ADAMTS10: variants seen among roughly 807,000 people sequenced by gnomAD.
ADAMTS10 encodes A disintegrin and metalloproteinase with thrombospondin motifs 10.
In ADAMTS10, 48 loss-of-function variants were observed where a neutral mutation model predicts 135.9. The ratio of observed to expected loss-of-function variants is 0.35; its 90% CI spans 0.28 to 0.45. The LOEUF (loss-of-function observed/expected upper bound fraction) is 0.45, where lower values mean the gene tolerates loss of function less well. Among genes scored for constraint, ADAMTS10 ranks in the 20% least tolerant of loss-of-function variants. The pLI is 1.00. For synonymous variants in ADAMTS10, 621 were observed against 647.5 expected (o/e 0.96, Z 0.62); for missense variants, 1,131 against 1,565.2 (o/e 0.72, Z 4.68).
rs782190968 is a variant in ADAMTS10, at chr19:8,591,939, G to C, written c.1733+19C>G. ...CAGGGGTCGCGCTGCCCTCCCGGGT[G>C]GGGGTCCTGAGGGCTGACCTGGGGC... is the stretch of plus-strand genomic sequence containing the variant. On this transcript the variant is annotated intron_variant, in intron 14 of 25. Transcript: ENST00000597188. 1.9e-6 allele frequency: 3 copies of C among 1,611,986 alleles called. No homozygotes were observed. The highest frequency in any genetic ancestry group is 2.5e-6 in the Non-Finnish European group (3 of 1,179,592).
In ADAMTS10 at chr19:8,605,834, G is replaced by C. The variant is rs939058111; in HGVS notation, c.-99-25C>G. 5 of 1,493,972 alleles carry C rather than the reference G, an allele frequency of 3.3e-6. No individual in the cohort carries two copies. Among genetic ancestry groups the C allele is most frequent in the Non-Finnish European group, 3.6e-6 (4 of 1,125,022 alleles). 92.5% of individuals were successfully genotyped at this position (1,493,972 alleles called of 1,614,324 possible). A position where few individuals can be genotyped will look rare whatever the true frequency, so the allele number is the denominator to read the frequency against. ...CCTGGGAGGGGGGAGCCAGGTAAGG[G>C]GGCGCCTGGTCCCGCTGTCCAGCAC... On this transcript the variant is annotated intron_variant, in intron 2 of 25. Transcript: ENST00000597188. The surrounding 1 kb of genome is among the most constrained non-coding windows in gnomAD (Gnocchi z 7.7).
At chr19:8,583,680 C>G (rs1293190732) in intron 25 of ADAMTS10, among the ~76,000 whole-genome samples, 2 of 151,798 alleles carry the variant, frequency 1.3e-5, no homozygotes, top group South Asian at 2.1e-4. Context: ...AACCCCGTCT[C>G]TATCAAAGAA....
At chr19:8,593,638 G>A (rs1199387453) in intron 12 of ADAMTS10, 1 of 152,214 alleles carries the variant, frequency 6.6e-6, no homozygotes, top group African/African-American at 2.4e-5. Context: ...TTAAAGTCCA[G>A]GTTAATATCC....
At position 8,585,275 on chromosome 19, in the gene ADAMTS10, G is replaced by T; in HGVS notation, c.2899C>A (p.Arg967Ser). Residue 967 changes from arginine to serine, a missense_variant, in exon 24 of 26, where the codon CGC becomes AGC. By Grantham distance (110) the Arg-to-Ser change is moderately radical (BLOSUM62 -1). Coordinates refer to ENST00000597188, the MANE Select transcript of ADAMTS10 (RefSeq NM_030957.4). Reference sequence around the variant, plus strand: ...TCTGCGCTCTTGCAAAGGACCACGCGGTGGCGGAGGCCCGGCCCGCAGCTG... The same window carrying T: ...TCTGCGCTCTTGCAAAGGACCACGCTGTGGCGGAGGCCCGGCCCGCAGCTG... ...TPSCGPGLRHRVVLCKSADHR... is the reference protein window; with the variant it reads ...TPSCGPGLRHSVVLCKSADHR... The T allele has an allele frequency of 6.6e-7, 1 of 1,512,908 alleles. No homozygotes were observed. 93.7% of individuals were successfully genotyped at this position (1,512,908 alleles called of 1,614,324 possible). A position where few individuals can be genotyped will look rare whatever the true frequency, so the allele number is the denominator to read the frequency against.
In ADAMTS10 at chr19:8,587,659, A is replaced by G. The variant is rs113308554; in HGVS notation, c.2159-763T>C. 1.5e-3 allele frequency among the ~76,000 whole-genome samples: 225 copies of G among 152,052 alleles called. 2 individuals carry two copies. Among genetic ancestry groups the G allele is most frequent in the African/African-American group, 5.0e-3 (207 of 41,518 alleles). On this transcript the variant is annotated intron_variant, in intron 18 of 25. Coordinates refer to ENST00000597188, the MANE Select transcript of ADAMTS10 (RefSeq NM_030957.4). ...AATTAAAAGAATTTTGTAGCCGGGCACAGTGGTCACGCCTATAATCCCAGC... is the reference window on the plus strand; with the variant it reads ...AATTAAAAGAATTTTGTAGCCGGGCGCAGTGGTCACGCCTATAATCCCAGC...
At chr19:8,608,507 T>C (rs2042746089) in intron 1 of ADAMTS10, among the ~76,000 whole-genome samples, 1 of 152,110 alleles carries the variant, frequency 6.6e-6, no homozygotes. Context: ...AGGCCCTTCC[T>C]GGTTGGGCAC....
chr19:8,590,862 C>T (rs1174096342), intron 15 of ADAMTS10, among the ~76,000 whole-genome samples: 1 of 152,160 alleles, frequency 6.6e-6, no homozygotes, highest in Non-Finnish European at 1.5e-5. Context: ...TCCCAAAGTG[C>T]TGGGATTATA....
chr19:8,580,851 G>T lies in ADAMTS10; in HGVS notation c.*42C>A, dbSNP rs781930332. ...TGGCCGGCCCGCTGCAGGGCTGGCG[G>T]CGGAGACCCCGCCAGCTGTGGCTCC... On this transcript the variant is annotated 3_prime_UTR_variant, in exon 26 of 26. Transcript: ENST00000597188. 10 of 1,506,792 alleles carry T rather than the reference G, an allele frequency of 6.6e-6. No individual in the cohort carries two copies. Among genetic ancestry groups the T allele is most frequent in the African/African-American group, 1.4e-5 (1 of 72,168 alleles). 93.3% of individuals were successfully genotyped at this position (1,506,792 alleles called of 1,614,324 possible). A position where few individuals can be genotyped will look rare whatever the true frequency, so the allele number is the denominator to read the frequency against.
At chr19:8,589,736 G>A (rs943421016) in intron 16 of ADAMTS10, 151 bp from the exon 17 acceptor site, 1 of 1,428,604 alleles carries the variant, frequency 7.0e-7, no homozygotes. Flanking sequence ...GCGTCACGTT[G>A]AACCCCCATG....
rs561588205 is a variant in ADAMTS10 at position 8,609,614 on chromosome 19, G to A, written c.-215+1030C>T. Among the ~76,000 whole-genome samples the A allele has an allele frequency of 1.1e-4, 17 of 152,146 alleles. No individual in the cohort carries two copies. In the East Asian group the frequency reaches 2.5e-3, roughly 23 times the overall value. On this transcript the variant is annotated intron_variant, in intron 1 of 25. Coordinates refer to ENST00000597188, the MANE Select transcript of ADAMTS10 (RefSeq NM_030957.4). ...CCGGAGAGCAGACAAAGGCCCAGCC[G>A]GGGCCTGCGGGAGGAGGGGGCCGGC...
intron 4 of ADAMTS10, among the ~76,000 whole-genome samples, chr19:8,604,689 T>A (rs1479049670): frequency 6.6e-6 from 1 of 151,884 alleles, no homozygotes; most frequent in African/African-American, 2.4e-5. Flanking sequence ...TTTCACCATG[T>A]TGGCCAGGCT....
chr19:8,603,415 C>T (rs1470183655), intron 5 of ADAMTS10, among the ~76,000 whole-genome samples: 2 of 152,088 alleles, frequency 1.3e-5, no homozygotes, highest in Admixed American at 1.3e-4. Flanking sequence ...GCTGGGATGA[C>T]AGGCATGCGC....
Position 8,605,430 on chromosome 19 carries a change from G to T in ADAMTS10, c.89-72C>A. ...ACCCCTGTGTCCTGGCTGTTAGGCT[G>T]CTGGAGCAAGTGATGCTGGCCTCAC... is the stretch of plus-strand genomic sequence containing the variant. On this transcript the variant is annotated intron_variant, in intron 3 of 25. Transcript: ENST00000597188. The surrounding 1 kb of genome is among the most constrained non-coding windows in gnomAD (Gnocchi z 7.7). The T allele has an allele frequency of 1.3e-6, 2 of 1,503,502 alleles. No homozygotes were observed. Among genetic ancestry groups the T allele is most frequent in the Non-Finnish European group, 1.8e-6 (2 of 1,106,612 alleles). 93.1% of individuals were successfully genotyped at this position (1,503,502 alleles called of 1,614,324 possible). A position where few individuals can be genotyped will look rare whatever the true frequency, so the allele number is the denominator to read the frequency against.
rs1555740514 is a variant in ADAMTS10 at position 8,597,295 on chromosome 19, G to A, written c.833C>T (p.Ser278Leu). 9.9e-6 allele frequency: 16 copies of A among 1,613,990 alleles called. No individual in the cohort carries two copies. Among genetic ancestry groups the A allele is most frequent in the East Asian group, 2.2e-5 (1 of 44,874 alleles). The change falls in exon 7 of 26, where the codon TCG becomes TTG. Residue 278 changes from serine (S) to leucine (L), a missense_variant. Transcript: ENST00000597188. ...MNIVAKLFQDSSLGSTVNILV... is the reference protein window; with the variant it reads ...MNIVAKLFQDLSLGSTVNILV... The stretch of plus-strand genomic sequence containing the variant: ...GATGTTAACGGTGCTTCCCAGACTC[G>A]AGTCCTGGAAAAGTTTGGCAACCTG...
Position 8,586,544 on chromosome 19 carries a change from A to G in ADAMTS10, c.2403+14T>C. On this transcript the variant is annotated intron_variant, in intron 20 of 25. Transcript: ENST00000597188. ...ATTCCAAAGGCTGCACCTTGCCCCC[A>G]GTCTCCCTGTTACCATGACGATGAG... 1.2e-6 allele frequency: 2 copies of G among 1,613,398 alleles called. No individual in the cohort carries two copies. The highest frequency in any genetic ancestry group is 1.7e-6 in the Non-Finnish European group (2 of 1,180,006).
intron 22 of ADAMTS10, 66 bp downstream of exon 22, chr19:8,586,056 T>A: frequency 6.2e-7 from 1 of 1,610,120 alleles, no homozygotes; most frequent in East Asian, 2.2e-5. Flanking sequence ...CCTGGAGCAC[T>A]CGCTCTTGAC....
chr19:8,582,567 G>A (rs1361738875), intron 25 of ADAMTS10: 1 of 152,224 alleles, frequency 6.6e-6, no homozygotes, highest in Non-Finnish European at 1.5e-5. Flanking sequence ...ACTATTTTGT[G>A]TGATCATGAT....
At chr19:8,600,726 C>T (rs550047545) in intron 6 of ADAMTS10, among the ~76,000 whole-genome samples, 7 of 152,096 alleles carry the variant, frequency 4.6e-5, no homozygotes, top group Admixed American at 3.3e-4. Flanking sequence ...TCTCCATCTC[C>T]TGACCTTGTG....
rs2042711411 is a variant in ADAMTS10 at position 8,605,472 on chromosome 19, G to A, written c.89-114C>T. ...TGGCCTCACTGACCCCCGAAATCCA[G>A]GGAGTTGGCTGCAAGGCTCCCGCCT... On this transcript the variant is annotated intron_variant, in intron 3 of 25. Transcript: ENST00000597188. This position sits in a 1 kb window ranked among gnomAD's most constrained non-coding sequence, Gnocchi z 7.7. 1.4e-6 allele frequency: 2 copies of A among 1,470,538 alleles called. No homozygotes were observed. The highest frequency in any genetic ancestry group is 2.8e-5 in the African/African-American group (2 of 71,564). The allele number at this position is 1,470,538 out of a possible 1,614,324, so 91.1% of individuals were successfully genotyped here. A position where few individuals can be genotyped will look rare whatever the true frequency, so the allele number is the denominator to read the frequency against.
Sources: allele counts gnomAD v4.1 joint callset (sites outside exome capture counted in the v4.1 genomes callset), GRCh38; gene constraint gnomAD v4.1.1; non-coding constraint Gnocchi (gnomAD v3.1); transcripts MANE v1.5; gene names NCBI Gene and HGNC (gene_info 2026-07-23, HGNC 2026-07-21).